LTBP1: variants seen among roughly 807,000 people sequenced by gnomAD.
The protein encoded by LTBP1 is latent transforming growth factor beta binding protein 1.
LTBP1 carries 129 observed loss-of-function variants against 207.6 expected under a neutral mutation model. The observed-to-expected ratio is 0.62, with a 90% CI of 0.54 to 0.72. The LOEUF is 0.72. Ranked by LOEUF, LTBP1 falls within the 30% of genes least tolerant of loss-of-function variation. The pLI is 0.00. For synonymous variants in LTBP1, 963 were observed against 833.7 expected, an observed-to-expected ratio of 1.16 and a Z score of -2.67; for missense variants, 2,281 against 2,217.2, an observed-to-expected ratio of 1.03 and a Z score of -0.58.
chr2:33,391,691 G>C (rs1163495568), intron 32 of LTBP1, among the ~76,000 whole-genome samples: 3 of 152,214 alleles, frequency 2.0e-5, no homozygotes, highest in Admixed American at 2.0e-4. Context: ...GGTCCTGAGA[G>C]TCTAAAAGTC....
intron 5 of LTBP1, among the ~76,000 whole-genome samples, chr2:33,148,836 AT>A (rs1220820248): frequency 1.3e-5 from 2 of 152,164 alleles, no homozygotes; most frequent in African/African-American, 2.4e-5. Context: ...GCCGGCAAAC[AT>A]TTTTGGTTAT....
At chr2:33,133,399 A>G (rs942483183) in intron 4 of LTBP1, among the ~76,000 whole-genome samples, 6 of 152,140 alleles carry the variant, frequency 3.9e-5, no homozygotes, top group Non-Finnish European at 8.8e-5. Flanking sequence ...TCAGAAGGGC[A>G]CTGCTTCTTG....
At chr2:33,323,754 A>C (rs892620574) in intron 24 of LTBP1, among the ~76,000 whole-genome samples, 4 of 152,238 alleles carry the variant, frequency 2.6e-5, no homozygotes, top group African/African-American at 9.6e-5. Flanking sequence ...TCTGTAGCTC[A>C]TCCTGGAGTA....
chr2:33,076,598 G>A (rs964081801), intron 3 of LTBP1, among the ~76,000 whole-genome samples: 4 of 151,486 alleles, frequency 2.6e-5, no homozygotes, highest in Non-Finnish European at 5.9e-5. Context: ...GTGCAGTGGC[G>A]TGATCTCAGC....
chr2:33,347,491 C>T lies in LTBP1; in HGVS notation c.3981C>T (p.Cys1327=), dbSNP rs1455658364. The change falls in exon 26 of 34, where the codon TGC becomes TGT. Residue 1327 remains cysteine (C), a synonymous_variant. Coordinates refer to ENST00000404816, the MANE Select transcript of LTBP1 (RefSeq NM_206943.4). ...AGTACAGCCCCATGACTGGGCAGTG[C>T]CGCTCCCGGACCTCCACAGGTAAGT... ...NQEYSPMTGQ[C]RSRTSTDLDV... The T allele has an allele frequency of 6.2e-7, 1 of 1,614,090 alleles. No individual in the cohort carries two copies. Among genetic ancestry groups the T allele is most frequent in the Admixed American group, 1.7e-5 (1 of 60,010 alleles).
chr2:33,083,035 C>G (rs1253425410), intron 3 of LTBP1, among the ~76,000 whole-genome samples: 1 of 152,044 alleles, frequency 6.6e-6, no homozygotes, highest in African/African-American at 2.4e-5. Flanking sequence ...AACCACCCTT[C>G]CCTTGTTGGG....
chr2:33,299,174 G>A (rs772449033), intron 20 of LTBP1, among the ~76,000 whole-genome samples: 18 of 151,712 alleles, frequency 1.2e-4, no homozygotes, highest in Admixed American at 1.1e-3. Context: ...CCCGGGAGAC[G>A]GAGGTTGCAG....
chr2:32,955,706 C>G (rs771373404), intron 2 of LTBP1, among the ~76,000 whole-genome samples: 7 of 151,906 alleles, frequency 4.6e-5, no homozygotes, highest in African/African-American at 9.7e-5. Context: ...TTTAAAAGCT[C>G]CCTGATGTGG....
At chr2:33,142,638 A>G (rs1443191435) in intron 5 of LTBP1, among the ~76,000 whole-genome samples, 3 of 152,012 alleles carry the variant, frequency 2.0e-5, no homozygotes, top group Non-Finnish European at 2.9e-5. Flanking sequence ...TGAGGCAGAG[A>G]AGGGCAGTGG....
chr2:33,134,742 A>G lies in LTBP1; in HGVS notation c.1034-51A>G. Reference sequence around the variant, plus strand: ...TAAACCTTCCAAGGCAAGTTCATGGATACTAAGCTGATGTGTTTGTTGTTC... The same window carrying G: ...TAAACCTTCCAAGGCAAGTTCATGGGTACTAAGCTGATGTGTTTGTTGTTC... On this transcript the variant is annotated intron_variant, in intron 4 of 33. Transcript: ENST00000404816. The surrounding 1 kb of genome is among the most constrained non-coding windows in gnomAD (Gnocchi z 4.4). 6.2e-7 allele frequency: 1 copy of G among 1,613,510 alleles called. No homozygotes were observed. Among genetic ancestry groups the G allele is most frequent in the Non-Finnish European group, 8.5e-7 (1 of 1,179,892 alleles).
chr2:33,158,148 C>CAAAAAAAAAA (rs59789805), intron 5 of LTBP1, among the ~76,000 whole-genome samples: 1 of 113,894 alleles, frequency 8.8e-6, no homozygotes. Context: ...AAAAAAAAAA[C>CAAAAAAAAAA]AAAAAAAAAA....
At chr2:33,031,399 T>A (rs1011352886) in intron 3 of LTBP1, among the ~76,000 whole-genome samples, 2 of 152,230 alleles carry the variant, frequency 1.3e-5, no homozygotes, top group Non-Finnish European at 2.9e-5. Context: ...AATAGTTGAT[T>A]CATTCATTCC....
intron 20 of LTBP1, among the ~76,000 whole-genome samples, chr2:33,297,399 C>CTTTATTTATTTA (rs58504404): frequency 1.3e-4 from 18 of 140,378 alleles, no homozygotes; most frequent in South Asian, 2.4e-4. Context: ...TAATATACTG[C>CTTTATTTATTTA]TTTATTTATT....
rs183227319 is a variant in LTBP1 at position 33,352,738 on chromosome 2, A to G, written c.4000+5228A>G. Among the ~76,000 whole-genome samples the G allele has an allele frequency of 4.6e-5, 7 of 152,242 alleles. No individual in the cohort carries two copies. The South Asian group carries it at 6.2e-4, about 14-fold the overall frequency. On this transcript the variant is annotated intron_variant, in intron 26 of 33. Coordinates refer to ENST00000404816, the MANE Select transcript of LTBP1 (RefSeq NM_206943.4). ...TCGGTTTAAATCGTTCAGTCTTTCA[A>G]CTGCTTACCACTGCTTTATAGCATG...
chr2:33,350,420 C>A (rs979295615), intron 26 of LTBP1, among the ~76,000 whole-genome samples: 2 of 152,206 alleles, frequency 1.3e-5, no homozygotes, highest in Admixed American at 6.5e-5. Flanking sequence ...CAGCAAAAAG[C>A]TGCCCCAGAA....
chr2:32,959,984 A>T (rs1381761864), intron 2 of LTBP1, among the ~76,000 whole-genome samples: 1 of 152,104 alleles, frequency 6.6e-6, no homozygotes, highest in African/African-American at 2.4e-5. Flanking sequence ...TCATGTTCAC[A>T]CCATAGCGAG....
intron 3 of LTBP1, among the ~76,000 whole-genome samples, chr2:33,081,237 C>T (rs574986258): frequency 6.6e-6 from 1 of 152,132 alleles, no homozygotes; most frequent in African/African-American, 2.4e-5. Context: ...ATTTTAGGAC[C>T]GGCTTCAGGG....
At chr2:33,164,352 G>GAAAAAAAAAAAAAAAAAAAAAAA (rs56916166) in intron 5 of LTBP1, among the ~76,000 whole-genome samples, 1 of 28,262 alleles carries the variant, frequency 3.5e-5, no homozygotes. Context: ...TTCCTCTCAG[G>GAAAAAAAAAAAAAAAAAAAAAAA]AAAAAAAAAA....
intron 2 of LTBP1, among the ~76,000 whole-genome samples, chr2:32,980,090 C>T (rs757415354): frequency 1.3e-5 from 2 of 151,992 alleles, no homozygotes; most frequent in Non-Finnish European, 2.9e-5. Context: ...TTATAGGCAA[C>T]ATACTGTTAG....
Sources: gnomAD v4.1 joint callset for allele counts (sites outside exome capture counted in the v4.1 genomes callset) on GRCh38, gnomAD v4.1.1 for gene constraint, Gnocchi (gnomAD v3.1) non-coding constraint, MANE v1.5 for transcripts, NCBI Gene and HGNC (gene_info 2026-07-23, HGNC 2026-07-21) for gene names.